Variants in WDR86 observed in about 807,000 individuals in gnomAD.
WDR86 encodes the protein WD repeat-containing protein 86.
In WDR86, 30 loss-of-function variants were observed where a neutral mutation model predicts 36.5. The observed-to-expected ratio is 0.82, with a 90% CI of 0.61 to 1.11. WDR86 has a LOEUF of 1.11. Ranked by LOEUF, WDR86 falls within the 50% of genes most tolerant of loss-of-function variation. WDR86 has a pLI of 0.00. For synonymous variants in WDR86, 255 were observed against 252.9 expected, an observed-to-expected ratio of 1.01 and a Z score of -0.08; for missense variants, 545 against 561.2, an observed-to-expected ratio of 0.97 and a Z score of 0.29.
At chr7:151,375,906 A>G (rs368626965), downstream of WDR86, 14 of 1,613,330 alleles carry the variant, frequency 8.7e-6, no homozygotes, top group Non-Finnish European at 1.2e-5. Flanking sequence ...GAAACCGACA[A>G]CCGTCAAGAA....
chr7:151,378,585 G>T (rs1226587969), downstream of WDR86: 1 of 152,248 alleles, frequency 6.6e-6, no homozygotes, highest in African/African-American at 2.4e-5. Context: ...ATGGAAGGAT[G>T]ATCTCAGAAG....
At position 151,381,548 on chromosome 7, in the gene WDR86, TGTCTGGGCTGGC is replaced by T; in HGVS notation, c.*22_*33del. On this transcript the variant is annotated 3_prime_UTR_variant, in exon 6 of 6. Transcript: ENST00000334493. The surrounding 1 kb of genome is among the most constrained non-coding windows in gnomAD (Gnocchi z 4.8). ...GCGGGGCGCTCTGGGAGCCGCTGGG[TGTCTGGGCTGGC>T]GTCTGCAGGGGCCCCGCGGGATCAG... 1 of 1,389,234 alleles carries T rather than the reference TGTCTGGGCTGGC, an allele frequency of 7.2e-7. No homozygotes were observed. Among genetic ancestry groups the T allele is most frequent in the South Asian group, 1.6e-5 (1 of 62,086 alleles). 86.1% of individuals were successfully genotyped at this position (1,389,234 alleles called of 1,614,324 possible).
In WDR86 at chr7:151,408,860, A is replaced by G. The variant is rs371066476; in HGVS notation, c.163+567T>C. 32 of 467,490 alleles carry G rather than the reference A, an allele frequency of 6.8e-5. No homozygotes were observed. The East Asian group carries it at 2.2e-3, about 32-fold the overall frequency. The allele number at this position is 467,490 out of a possible 1,614,324, so 29.0% of individuals were successfully genotyped here. A position where few individuals can be genotyped will look rare whatever the true frequency, so the allele number is the denominator to read the frequency against. ...GGGCTCAGACTGCCATCTACCCCTC[A>G]CTGGCTGTGCGACCTGGGCGAATTA... On this transcript the variant is annotated intron_variant, in intron 1 of 5. Coordinates refer to ENST00000334493, the MANE Select transcript of WDR86 (RefSeq NM_198285.3).
intron 3 of WDR86, among the ~76,000 whole-genome samples, chr7:151,392,352 ACT>A (rs1799498462): frequency 6.7e-6 from 1 of 149,792 alleles, no homozygotes; most frequent in Non-Finnish European, 1.5e-5. Context: ...CCCACCACTG[ACT>A]CCTCATTAGG....
intron 3 of WDR86, among the ~76,000 whole-genome samples, chr7:151,389,724 A>G (rs778589984): frequency 5.9e-5 from 9 of 152,172 alleles, no homozygotes; most frequent in Non-Finnish European, 1.2e-4. Context: ...GCCTGTACGC[A>G]TAGGAGAAGG....
downstream of WDR86, chr7:151,376,953 A>T (rs147835858): frequency 4.3e-6 from 6 of 1,407,742 alleles, no homozygotes; most frequent in East Asian, 1.3e-4. Flanking sequence ...CAGTGTGGCC[A>T]GCAAGAGGCA....
At chr7:151,376,209 A>G (rs1798229557), downstream of WDR86, 1 of 486,602 alleles carries the variant, frequency 2.1e-6, no homozygotes. Flanking sequence ...TGTTTGCATC[A>G]GCCTCATTTC....
At chr7:151,387,807 G>A (rs890332638) in intron 3 of WDR86, among the ~76,000 whole-genome samples, 1 of 152,204 alleles carries the variant, frequency 6.6e-6, no homozygotes, top group Admixed American at 6.5e-5. Context: ...TGACAGCTGT[G>A]GTGGTCACAG....
At chr7:151,379,392 C>T (rs985123421), downstream of WDR86, among the ~76,000 whole-genome samples, 2 of 152,200 alleles carry the variant, frequency 1.3e-5, no homozygotes, top group African/African-American at 4.8e-5. Flanking sequence ...CCTTGTGTTC[C>T]TGCCCATATG....
chr7:151,373,728 C>A (rs1299155537), downstream of WDR86, among the ~76,000 whole-genome samples: 1 of 152,250 alleles, frequency 6.6e-6, no homozygotes. Context: ...CTACCCGGTT[C>A]CTACCTGGTT....
At chr7:151,376,819 T>C (rs367781408), downstream of WDR86, 36 of 1,568,862 alleles carry the variant, frequency 2.3e-5, no homozygotes, top group Non-Finnish European at 3.1e-5. Flanking sequence ...CAGGTAGGTC[T>C]GAGGTCTTTG....
At position 151,405,717 on chromosome 7, in the gene WDR86, G is replaced by A. The variant is rs775895849; in HGVS notation, c.163+3710C>T. The stretch of plus-strand genomic sequence containing the variant: ...GGCTGCTGTGGCTCTTGTCACCAGC[G>A]TGCCGCAGGCCTCCTTCAGCCCAGT... On this transcript the variant is annotated intron_variant, in intron 1 of 5. Transcript: ENST00000334493. The surrounding 1 kb of genome is among the most constrained non-coding windows in gnomAD (Gnocchi z 4.7). Among the ~76,000 whole-genome samples, 3 of 152,160 alleles carry A rather than the reference G, an allele frequency of 2.0e-5. No individual in the cohort carries two copies. The highest frequency in any genetic ancestry group is 4.4e-5 in the Non-Finnish European group (3 of 68,024).
Position 151,390,826 on chromosome 7 carries a change from G to C in WDR86, c.726+4950C>G, listed in dbSNP as rs896050099. Among the ~76,000 whole-genome samples the C allele has an allele frequency of 1.3e-5, 2 of 152,210 alleles. No individual in the cohort carries two copies. The highest frequency in any genetic ancestry group is 3.8e-4 in the East Asian group (2 of 5,196). On this transcript the variant is annotated intron_variant, in intron 3 of 5. Coordinates refer to ENST00000334493, the MANE Select transcript of WDR86 (RefSeq NM_198285.3). The surrounding 1 kb of genome is among the most constrained non-coding windows in gnomAD (Gnocchi z 4.5). ...ATCCTGCACGACTCCACTCATGTGAGGACCCAGAGTCATCAAATTCAGAGA... is the reference window on the plus strand; with the variant it reads ...ATCCTGCACGACTCCACTCATGTGACGACCCAGAGTCATCAAATTCAGAGA...
chr7:151,409,012 C>CA lies in WDR86; in HGVS notation c.163+414dup. On this transcript the variant is annotated intron_variant, in intron 1 of 5. Transcript: ENST00000334493. This position sits in a 1 kb window ranked among gnomAD's most constrained non-coding sequence, Gnocchi z 5.2. The stretch of plus-strand genomic sequence containing the variant: ...TGTGAGAGTCGTCAACAGGAAATGC[C>CA]AGCAGAAGAGCACAATTGGCCACAA... 4.1e-6 allele frequency: 2 copies of CA among 483,414 alleles called. No individual in the cohort carries two copies. The highest frequency in any genetic ancestry group is 8.5e-6 in the Non-Finnish European group (2 of 235,604). 29.9% of individuals were successfully genotyped at this position (483,414 alleles called of 1,614,324 possible). A position where few individuals can be genotyped will look rare whatever the true frequency, so the allele number is the denominator to read the frequency against.
At chr7:151,369,795 C>T in the WDR86 span, among the ~76,000 whole-genome samples, 19 of 152,320 alleles carry the variant, frequency 1.2e-4, no homozygotes, top group South Asian at 3.3e-3. Context: ...TCTCTAGAAT[C>T]TTCACATGTA....
downstream of WDR86, among the ~76,000 whole-genome samples, chr7:151,374,835 C>T (rs916364252): frequency 6.6e-6 from 1 of 152,188 alleles, no homozygotes; most frequent in African/African-American, 2.4e-5. Flanking sequence ...CACCCTCTGC[C>T]CTCTCGGCCC....
downstream of WDR86, chr7:151,376,372 G>C: frequency 1.9e-6 from 1 of 513,658 alleles, no homozygotes; most frequent in Non-Finnish European, 3.5e-6. Flanking sequence ...TGGTGAGGCT[G>C]GTGTGGCGCC....
chr7:151,395,681 T>C, intron 3 of WDR86, 95 bp downstream of exon 3: 2 of 1,400,704 alleles, frequency 1.4e-6, no homozygotes, highest in South Asian at 1.4e-5. Flanking sequence ...AGCGCTTTGT[T>C]ATGCAGCCGA....
At position 151,381,348 on chromosome 7, in the gene WDR86, CA is replaced by C; in HGVS notation, c.*233del. 7.1e-7 allele frequency: 1 copy of C among 1,403,330 alleles called. No individual in the cohort carries two copies. The highest frequency in any genetic ancestry group is 9.2e-7 in the Non-Finnish European group (1 of 1,087,952). 86.9% of individuals were successfully genotyped at this position (1,403,330 alleles called of 1,614,324 possible). A position where few individuals can be genotyped will look rare whatever the true frequency, so the allele number is the denominator to read the frequency against. ...CCAGGTCAGGGATGGGGAGGGAGGA[CA>C]GGAGCCACCCTAAAAGGGAAAAGGG... On this transcript the variant is annotated 3_prime_UTR_variant, in exon 6 of 6. Coordinates refer to ENST00000334493, the MANE Select transcript of WDR86 (RefSeq NM_198285.3). The surrounding 1 kb of genome is among the most constrained non-coding windows in gnomAD (Gnocchi z 4.8).
Sources: gnomAD v4.1 joint callset for allele counts (sites outside exome capture counted in the v4.1 genomes callset) on GRCh38, gnomAD v4.1.1 for gene constraint, Gnocchi (gnomAD v3.1) non-coding constraint, MANE v1.5 for transcripts, NCBI Gene and HGNC (gene_info 2026-07-23, HGNC 2026-07-21) for gene names.